The following MME variants were observed in gnomAD, a reference collection of about 807,000 sequenced individuals.
The protein encoded by MME is neprilysin.
Under a neutral mutation model 113.2 loss-of-function variants are expected in MME, and 98 were observed. The ratio of observed to expected loss-of-function variants is 0.87; its 90% CI spans 0.74 to 1.02. The LOEUF is 1.02. Ranked by LOEUF, MME falls within the 50% of genes least tolerant of loss-of-function variation. The pLI, the probability that MME is intolerant of heterozygous loss-of-function variation, is 0.00. For missense variants in MME, 836 were observed against 896.0 expected, an observed-to-expected ratio of 0.93 and a Z score of 0.86; for synonymous variants, 292 against 300.6, an observed-to-expected ratio of 0.97 and a Z score of 0.30.
rs202008298 is a variant in MME, at chr3:155,148,632, G to A, written c.1580G>A (p.Arg527Gln). The part of the protein sequence containing the change: ...FSQSKQLKKL[R>Q]EKVDKDEWIS... ...CAAAGTAAACAACTGAAGAAGCTCC[G>A]AGAAAAGGTGGACAAAGATGAGTGC... Residue 527 changes from arginine (R) to glutamine (Q), a missense_variant, in exon 16 of 23, where the codon CGA (arginine) becomes CAA (glutamine). Coordinates refer to ENST00000360490, the MANE Select transcript of MME (RefSeq NM_007289.4). 1.4e-5 allele frequency: 23 copies of A among 1,612,080 alleles called. No homozygotes were observed. The highest frequency in any genetic ancestry group is 3.3e-4 in the Middle Eastern group (2 of 6,078).
chr3:155,044,125 CTTTTTTTTTTTT>C (rs5853709), intron 1 of MME, among the ~76,000 whole-genome samples: 2 of 89,226 alleles, frequency 2.2e-5, no homozygotes, highest in Non-Finnish European at 2.2e-5. Context: ...CTTCCTTTTT[CTTTTTTTTTTTT>C]TTTTTTTTTT....
chr3:155,136,077 T>G (rs150098712), intron 8 of MME, among the ~76,000 whole-genome samples: 1 of 152,204 alleles, frequency 6.6e-6, no homozygotes, highest in African/African-American at 2.4e-5. Context: ...TAGAATCATA[T>G]CATTAGTGAA....
chr3:155,060,045 A>G (rs1047017804), intron 1 of MME, among the ~76,000 whole-genome samples: 16 of 152,216 alleles, frequency 1.1e-4, no homozygotes, highest in African/African-American at 3.6e-4. Flanking sequence ...GTAGAGGGTG[A>G]CCACAAATAC....
rs189138248 is a variant in MME at position 155,052,506 on chromosome 3, C to A, written c.-11+28182C>A. Among the ~76,000 whole-genome samples, 10 of 152,376 alleles carry A rather than the reference C, an allele frequency of 6.6e-5. No individual in the cohort carries two copies. In the East Asian group the frequency reaches 1.9e-3, roughly 29 times the overall value. On this transcript the variant is annotated intron_variant, in intron 1 of 22. Coordinates refer to the MME transcript ENST00000492661. ...CAGGACAAACACCAGGTGGAAGCTG[C>A]CAAGGCTTGGGGCTTACACCCTCTG... is the stretch of plus-strand genomic sequence containing the variant.
chr3:155,127,284 G>A (rs1719764831), intron 8 of MME, among the ~76,000 whole-genome samples: 1 of 152,158 alleles, frequency 6.6e-6, no homozygotes, highest in Admixed American at 6.5e-5. Flanking sequence ...ATGTCTGGGA[G>A]CCGGCTTTCT....
At position 155,147,140 on chromosome 3, in the gene MME, A is replaced by T. The variant is rs780531204; in HGVS notation, c.1417-4A>T. On this transcript the variant is annotated splice_polypyrimidine_tract_variant and splice_region_variant and intron_variant, in intron 14 of 22. Transcript: ENST00000360490. ...CTTCACATTCAATATTATAATTTTC[A>T]TAGGCCTTAGCAATTAAAGAAAGGA... The T allele has an allele frequency of 6.3e-7, 1 of 1,577,658 alleles. No homozygotes were observed. The highest frequency in any genetic ancestry group is 8.7e-7 in the Non-Finnish European group (1 of 1,146,974).
At chr3:155,056,046 A>G (rs1164025828) in intron 1 of MME, among the ~76,000 whole-genome samples, 2 of 151,666 alleles carry the variant, frequency 1.3e-5, no homozygotes, top group Admixed American at 1.3e-4. Context: ...ATCCCACCCA[A>G]TTTTTCTTCT....
At chr3:155,157,785 A>C (rs998112456) in intron 16 of MME, among the ~76,000 whole-genome samples, 5 of 152,280 alleles carry the variant, frequency 3.3e-5, no homozygotes, top group African/African-American at 9.6e-5. Flanking sequence ...GAAAAGGCAA[A>C]TACTACACAC....
intron 4 of MME, among the ~76,000 whole-genome samples, chr3:155,115,877 C>T (rs1718557861): frequency 2.0e-5 from 3 of 152,200 alleles, no homozygotes; most frequent in Admixed American, 2.0e-4. Flanking sequence ...ATATTCTAAC[C>T]TGGCTAAGAC....
intron 20 of MME, among the ~76,000 whole-genome samples, chr3:155,170,016 A>G (rs963825978): frequency 3.3e-5 from 5 of 152,030 alleles, no homozygotes; most frequent in Non-Finnish European, 5.9e-5. Context: ...AATGTTTAGT[A>G]ATTTTTTTGT....
chr3:155,167,327 G>A (rs1256103987), intron 18 of MME, among the ~76,000 whole-genome samples: 5 of 152,028 alleles, frequency 3.3e-5, no homozygotes, highest in East Asian at 1.9e-4. Flanking sequence ...TGTATATGAC[G>A]TATCTTGTCA....
intron 1 of MME, among the ~76,000 whole-genome samples, chr3:155,055,568 G>T (rs1713896762): frequency 6.6e-6 from 1 of 151,566 alleles, no homozygotes; most frequent in Admixed American, 6.6e-5. Flanking sequence ...TTGCACTCCA[G>T]CCTGGAGGAC....
In MME at chr3:155,176,412, A is replaced by G. The variant is rs144594062; in HGVS notation, c.2153+3800A>G. On this transcript the variant is annotated intron_variant, in intron 22 of 22. Coordinates refer to ENST00000360490, the MANE Select transcript of MME (RefSeq NM_007289.4). ...CTTCTGTTATTAGAAACACAAGCAC[A>G]CAGTTTTGTAAAGCATGAAAATCAT... 9.9e-4 allele frequency among the ~76,000 whole-genome samples: 151 copies of G among 152,340 alleles called. 1 individual carries two copies. Among genetic ancestry groups the G allele is most frequent in the Admixed American group, 3.0e-3 (46 of 15,294 alleles).
chr3:155,084,091 T>C, intron 1 of MME, 67 bp from the exon 2 acceptor site: 3 of 1,316,192 alleles, frequency 2.3e-6, no homozygotes, highest in Non-Finnish European at 2.2e-6. Flanking sequence ...TCCAGCCACA[T>C]TAAGCATTTG....
At chr3:155,176,134 AATT>A (rs1436510209) in intron 22 of MME, among the ~76,000 whole-genome samples, 1 of 152,202 alleles carries the variant, frequency 6.6e-6, no homozygotes, top group Non-Finnish European at 1.5e-5. Flanking sequence ...CATTTACAAG[AATT>A]AACAAAAGGT....
chr3:155,153,109 T>C (rs1341826756), intron 16 of MME, among the ~76,000 whole-genome samples: 1 of 148,038 alleles, frequency 6.8e-6, no homozygotes, highest in Non-Finnish European at 1.5e-5. Context: ...CCATCTCGGC[T>C]CCCACCTCCC....
At chr3:155,109,152 A>C (rs961305994) in intron 3 of MME, among the ~76,000 whole-genome samples, 6 of 152,154 alleles carry the variant, frequency 3.9e-5, no homozygotes, top group African/African-American at 1.4e-4. Context: ...AGTTTTTGCT[A>C]TTATAATCAC....
At chr3:155,114,428 ACT>A (rs1166401895) in intron 3 of MME, among the ~76,000 whole-genome samples, 2 of 152,184 alleles carry the variant, frequency 1.3e-5, no homozygotes, top group African/African-American at 4.8e-5. Flanking sequence ...ATAATGACAG[ACT>A]CTATATAAAC....
intron 1 of MME, among the ~76,000 whole-genome samples, chr3:155,047,264 T>C (rs1286740855): frequency 6.6e-6 from 1 of 152,250 alleles, no homozygotes; most frequent in Non-Finnish European, 1.5e-5. Context: ...GTTTTACCAC[T>C]GTCTATAGTA....
Sources: allele counts gnomAD v4.1 joint callset (sites outside exome capture counted in the v4.1 genomes callset), GRCh38; gene constraint gnomAD v4.1.1; transcripts MANE v1.5; gene names NCBI Gene and HGNC (gene_info 2026-07-23, HGNC 2026-07-21).